The following PEAK1 variants were observed in gnomAD, a reference collection of about 807,000 sequenced individuals.
PEAK1 encodes inactive tyrosine-protein kinase PEAK1.
Under a neutral mutation model 124.7 loss-of-function variants are expected in PEAK1, and 54 were observed. The ratio of observed to expected loss-of-function variants is 0.43; its 90% CI spans 0.35 to 0.54. The LOEUF (loss-of-function observed/expected upper bound fraction) is 0.54, where lower values mean the gene tolerates loss of function less well. PEAK1 is among the 20% of genes least tolerant of loss of function. The probability of loss-of-function intolerance (pLI) is 0.01; values close to 1 mark genes in which losing one functional copy is unlikely to be tolerated. For missense variants in PEAK1, 2,046 were observed against 2,134.5 expected, an observed-to-expected ratio of 0.96 and a Z score of 0.82; for synonymous variants, 719 against 760.0, an observed-to-expected ratio of 0.95 and a Z score of 0.89.
At chr15:77,388,392 T>C (rs370496849) in intron 1 of PEAK1, among the ~76,000 whole-genome samples, 1 of 152,328 alleles carries the variant, frequency 6.6e-6, no homozygotes, top group African/African-American at 2.4e-5. Context: ...TCAGAACTTT[T>C]AGTGTATTAC....
chr15:77,146,358 C>T (rs1169846297), intron 8 of PEAK1, among the ~76,000 whole-genome samples: 1 of 152,070 alleles, frequency 6.6e-6, no homozygotes, highest in Non-Finnish European at 1.5e-5. Context: ...ACCTGATTTC[C>T]AAAGAAAACT....
rs758373871 is a variant in PEAK1, at chr15:77,179,901, C to T, written c.2026G>A (p.Asp676Asn). 4 of 1,614,180 alleles carry T rather than the reference C, an allele frequency of 2.5e-6. No homozygotes were observed. The Admixed American group carries it at 6.7e-5, about 27-fold the overall frequency. The change falls in exon 7 of 10, where the codon GAT becomes AAT. Residue 676 changes from aspartate to asparagine, a missense_variant. Coordinates refer to ENST00000682557, the MANE Select transcript of PEAK1 (RefSeq NM_001385026.1). ...EEIETESKVP[D>N]NTTSKTTDCL... Reference sequence around the variant, plus strand: ...TCAGTGGTTTTGCTAGTGGTGTTATCAGGCACTTTGCTTTCTGTTTCTATT... The same window carrying T: ...TCAGTGGTTTTGCTAGTGGTGTTATTAGGCACTTTGCTTTCTGTTTCTATT...
At position 77,313,724 on chromosome 15, in the gene PEAK1, G is replaced by GTATATATA. The variant is rs1243000462; in HGVS notation, c.-602-27221_-602-27220insTATATATA. Among the ~76,000 whole-genome samples the GTATATATA allele has an allele frequency of 3.0e-3, 328 of 108,322 alleles. 2 individuals carry two copies. Among genetic ancestry groups the GTATATATA allele is most frequent in the Non-Finnish European group, 4.0e-3 (204 of 50,806 alleles). The allele number at this position is 108,322 out of a possible 152,430, so 71.1% of individuals were successfully genotyped here. ...TATATATGTATGTGTGTGTGTGTGT[G>GTATATATA]TGTATATATATATATATTTATTTAT... On this transcript the variant is annotated intron_variant, in intron 2 of 9. Transcript: ENST00000682557.
chr15:77,123,982 A>G (rs985755972), intron 9 of PEAK1, among the ~76,000 whole-genome samples: 1 of 152,226 alleles, frequency 6.6e-6, no homozygotes, highest in African/African-American at 2.4e-5. Flanking sequence ...TTCTTTCACC[A>G]AAACATTTAT....
At chr15:77,393,187 C>T (rs2070621126) in intron 1 of PEAK1, among the ~76,000 whole-genome samples, 1 of 152,172 alleles carries the variant, frequency 6.6e-6, no homozygotes, top group African/African-American at 2.4e-5. Context: ...ACTTGAAAGG[C>T]AATCTAGGCC....
intron 2 of PEAK1, among the ~76,000 whole-genome samples, chr15:77,357,686 G>A: frequency 6.6e-6 from 1 of 152,190 alleles, no homozygotes; most frequent in East Asian, 1.9e-4. Context: ...TAAATAAAGT[G>A]CTAATGTTAG....
chr15:77,392,462 A>T (rs1452439842), intron 1 of PEAK1, among the ~76,000 whole-genome samples: 1 of 152,212 alleles, frequency 6.6e-6, no homozygotes, highest in African/African-American at 2.4e-5. Context: ...ATTAAGACCA[A>T]TGCAATTCAA....
intron 5 of PEAK1, among the ~76,000 whole-genome samples, chr15:77,262,082 C>T (rs1261739430): frequency 1.3e-5 from 2 of 152,096 alleles, no homozygotes; most frequent in Non-Finnish European, 2.9e-5. Flanking sequence ...CACTACCAGG[C>T]CTGCCCTAAA....
chr15:77,288,659 G>A (rs189012094), intron 2 of PEAK1, among the ~76,000 whole-genome samples: 4 of 152,256 alleles, frequency 2.6e-5, no homozygotes, highest in Admixed American at 6.5e-5. Flanking sequence ...GTATTTCAAT[G>A]AGGCTGGGCG....
chr15:77,186,011 A>C (rs2057527786), intron 6 of PEAK1, among the ~76,000 whole-genome samples: 1 of 152,156 alleles, frequency 6.6e-6, no homozygotes, highest in Non-Finnish European at 1.5e-5. Flanking sequence ...TTTTGTTTTT[A>C]CCTTTTTTGG....
intron 9 of PEAK1, among the ~76,000 whole-genome samples, chr15:77,126,219 C>T (rs191851772): frequency 2.2e-4 from 34 of 152,266 alleles, no homozygotes; most frequent in Non-Finnish European, 3.7e-4. Context: ...TATTCTGCTA[C>T]TTTCATGTGA....
chr15:77,222,750 C>T (rs2059444355), intron 6 of PEAK1, among the ~76,000 whole-genome samples: 2 of 152,116 alleles, frequency 1.3e-5, no homozygotes, highest in Admixed American at 6.6e-5. Context: ...AAGCATGGAG[C>T]TCCCACTAAT....
intron 9 of PEAK1, among the ~76,000 whole-genome samples, chr15:77,126,608 C>T (rs1483281958): frequency 6.6e-6 from 1 of 152,092 alleles, no homozygotes; most frequent in East Asian, 1.9e-4. Flanking sequence ...ATGTACTTTA[C>T]AGTTTATAAA....
chr15:77,242,250 G>C (rs2060390900), intron 6 of PEAK1, among the ~76,000 whole-genome samples: 1 of 152,040 alleles, frequency 6.6e-6, no homozygotes, highest in Non-Finnish European at 1.5e-5. Flanking sequence ...TTATGCATGT[G>C]TGTGTACATA....
intron 1 of PEAK1, among the ~76,000 whole-genome samples, chr15:77,387,467 A>G (rs2070050762): frequency 6.6e-6 from 1 of 152,244 alleles, no homozygotes; most frequent in Non-Finnish European, 1.5e-5. Flanking sequence ...AAACAATCAC[A>G]TAAGGAAAGT....
chr15:77,163,307 C>A (rs2055823660), intron 7 of PEAK1, among the ~76,000 whole-genome samples: 1 of 152,198 alleles, frequency 6.6e-6, no homozygotes, highest in South Asian at 2.1e-4. Context: ...AAATCATTTT[C>A]TGAACATGCA....
chr15:77,402,312 G>T (rs758519255), intron 1 of PEAK1: 1 of 985,050 alleles, frequency 1.0e-6, no homozygotes, highest in Admixed American at 6.2e-5. Context: ...TAGACATCGG[G>T]GAGAAAAGGA....
chr15:77,354,411 A>G (rs1038472579), intron 2 of PEAK1, among the ~76,000 whole-genome samples: 1 of 152,184 alleles, frequency 6.6e-6, no homozygotes, highest in Non-Finnish European at 1.5e-5. Flanking sequence ...TCTGGACTAT[A>G]TATAGCCTTC....
At chr15:77,230,179 T>A (rs1253250300) in intron 6 of PEAK1, among the ~76,000 whole-genome samples, 1 of 150,954 alleles carries the variant, frequency 6.6e-6, no homozygotes, top group South Asian at 2.1e-4. Flanking sequence ...AAAGACATCA[T>A]GCAAGTGACA....
Sources: allele counts gnomAD v4.1 joint callset (sites outside exome capture counted in the v4.1 genomes callset), GRCh38; gene constraint gnomAD v4.1.1; transcripts MANE v1.5; gene names NCBI Gene and HGNC (gene_info 2026-07-23, HGNC 2026-07-21).